The following DLX1 variants were observed in gnomAD, a reference collection of about 807,000 sequenced individuals.
DLX1 encodes distal-less homeobox 1.
DLX1 carries 7 observed loss-of-function variants against 25.0 expected under a neutral mutation model. That is an observed-to-expected ratio of 0.28 (90% confidence interval 0.16 to 0.52). The LOEUF (loss-of-function observed/expected upper bound fraction) is 0.52, where lower values mean the gene tolerates loss of function less well. Ranked by LOEUF, DLX1 falls within the 20% of genes least tolerant of loss-of-function variation. DLX1 has a pLI of 0.96. For missense variants in DLX1, 233 were observed against 334.4 expected, an observed-to-expected ratio of 0.70 and a Z score of 2.37; for synonymous variants, 155 against 140.3, an observed-to-expected ratio of 1.10 and a Z score of -0.74.
At chr2:172,086,274 G>A in intron 1 of DLX1, 1 of 518,352 alleles carries the variant, frequency 1.9e-6, no homozygotes, top group Non-Finnish European at 3.4e-6. Flanking sequence ...TGGGCGGCTC[G>A]GTGTGCAGAG....
At chr2:172,087,235 C>T in intron 2 of DLX1, 1 of 410,484 alleles carries the variant, frequency 2.4e-6, no homozygotes, top group Non-Finnish European at 4.8e-6. Context: ...GGGCCTGGGT[C>T]CGCGCCTCAG....
At position 172,088,374 on chromosome 2, in the gene DLX1, C is replaced by T; in HGVS notation, c.*117C>T. On this transcript the variant is annotated 3_prime_UTR_variant, in exon 3 of 3. Coordinates refer to ENST00000361725, the MANE Select transcript of DLX1 (RefSeq NM_178120.5). ...GGAAGAAGGAACAGTGGAGGCGGGA[C>T]GCCCTCCATCTCCTCGGAGCCCCGC... 1 of 1,290,958 alleles carries T rather than the reference C, an allele frequency of 7.7e-7. No individual in the cohort carries two copies. The highest frequency in any genetic ancestry group is 2.0e-5 in the South Asian group (1 of 49,240). The allele number at this position is 1,290,958 out of a possible 1,614,324, so 80.0% of individuals were successfully genotyped here.
Position 172,086,007 on chromosome 2 carries a change from G to A in DLX1, c.313+17G>A. The stretch of plus-strand genomic sequence containing the variant: ...AGGACCCAGGTACGTGCGCTTGCCA[G>A]GGAGAGGGAGAGGAGGAGGTACAAG... On this transcript the variant is annotated intron_variant, in intron 1 of 2. Transcript: ENST00000361725. 6.2e-7 allele frequency: 1 copy of A among 1,600,446 alleles called. No homozygotes were observed. Among genetic ancestry groups the A allele is most frequent in the Non-Finnish European group, 8.5e-7 (1 of 1,171,814 alleles).
At position 172,088,083 on chromosome 2, in the gene DLX1, G is replaced by A. The variant is rs1690893485; in HGVS notation, c.594G>A (p.Ala198=). 1 of 1,590,632 alleles carries A rather than the reference G, an allele frequency of 6.3e-7. No homozygotes were observed. Among genetic ancestry groups the A allele is most frequent in the East Asian group, 2.3e-5 (1 of 44,078 alleles). ...GTGGGGCGGCTCTGGAGGGTAGTGC[G>A]TTGGCCAACGGTCGGGCCCTGTCTG... ...KQGGAALEGS[A]LANGRALSAG... The change falls in exon 3 of 3, where the codon GCG becomes GCA. Residue 198 remains alanine, a synonymous_variant. Transcript: ENST00000361725.
chr2:172,086,358 G>A (rs1287247609), intron 1 of DLX1: 1 of 478,430 alleles, frequency 2.1e-6, no homozygotes, highest in Non-Finnish European at 3.7e-6. Flanking sequence ...ATTGCGTAGC[G>A]CTATAAACAA....
At chr2:172,087,240 C>A (rs532088330) in intron 2 of DLX1, 12 of 403,638 alleles carry the variant, frequency 3.0e-5, no homozygotes, top group Non-Finnish European at 4.3e-5. Flanking sequence ...TGGGTCCGCG[C>A]CTCAGCCTCC....
In DLX1 at chr2:172,086,610, G is replaced by A. The variant is rs527697669; in HGVS notation, c.314-44G>A. On this transcript the variant is annotated intron_variant, in intron 1 of 2. Transcript: ENST00000361725. ...CTCTCGGCTGTTCGCACTAAAGGCG[G>A]CCCCTCGTATTAACAACGGGCCCTA... 26 of 1,501,390 alleles carry A rather than the reference G, an allele frequency of 1.7e-5. No individual in the cohort carries two copies. In the East Asian group the frequency reaches 4.6e-4, roughly 26 times the overall value. 93.0% of individuals were successfully genotyped at this position (1,501,390 alleles called of 1,614,324 possible).
At position 172,088,269 on chromosome 2, in the gene DLX1, C is replaced by T; in HGVS notation, c.*12C>T. On this transcript the variant is annotated 3_prime_UTR_variant, in exon 3 of 3. Transcript: ENST00000361725. ...CCCAACTTATGTGAGGTTGCCCGCC[C>T]GTCTCCTTCTTGTCTCCCCGGCCCA... is the stretch of plus-strand genomic sequence containing the variant. 6.9e-7 allele frequency: 1 copy of T among 1,449,048 alleles called. No homozygotes were observed. Among genetic ancestry groups the T allele is most frequent in the South Asian group, 1.5e-5 (1 of 67,416 alleles). 89.8% of individuals were successfully genotyped at this position (1,449,048 alleles called of 1,614,324 possible). A position where few individuals can be genotyped will look rare whatever the true frequency, so the allele number is the denominator to read the frequency against.
Position 172,086,752 on chromosome 2 carries a change from T to C in DLX1, c.412T>C (p.Leu138=). 1 of 1,609,230 alleles carries C rather than the reference T, an allele frequency of 6.2e-7. No homozygotes were observed. Among genetic ancestry groups the C allele is most frequent in the South Asian group, 1.1e-5 (1 of 90,588 alleles). The change falls in exon 2 of 3, where the codon TTG becomes CTG. Residue 138 remains leucine, a synonymous_variant. Transcript: ENST00000361725. The part of the protein sequence containing the change: ...IRKPRTIYSS[L]QLQALNRRFQ... Reference sequence around the variant, plus strand: ...TAAACCCAGGACGATTTATTCCAGTTTGCAGTTGCAGGCTTTGAACCGGAG... The same window carrying C: ...TAAACCCAGGACGATTTATTCCAGTCTGCAGTTGCAGGCTTTGAACCGGAG...
At chr2:172,086,560 T>A in intron 1 of DLX1, 94 bp from the exon 2 acceptor site, 2 of 1,260,828 alleles carry the variant, frequency 1.6e-6, no homozygotes, top group Non-Finnish European at 2.2e-6. Context: ...TGGTGCTGCC[T>A]CCGCCACCCT....
intron 2 of DLX1, chr2:172,087,650 T>C (rs1690868995): frequency 3.8e-6 from 2 of 531,822 alleles, no homozygotes; most frequent in Admixed American, 2.2e-5. Context: ...TTGGAATTGC[T>C]GGCTCGGTGT....
In DLX1 at chr2:172,085,820, C is replaced by A. The variant is rs754902794; in HGVS notation, c.143C>A (p.Ala48Glu). The change falls in exon 1 of 3, where the codon GCG (alanine) becomes GAG (glutamate). Residue 48 changes from alanine to glutamate, a missense_variant. Transcript: ENST00000361725. The surrounding 1 kb of genome is among the most constrained non-coding windows in gnomAD (Gnocchi z 4.3). ...TACTCCATGCACTGTTTACACTCGG[C>A]GGGCCATTCGCAGCCCGACGGCGCC... is the stretch of plus-strand genomic sequence containing the variant. ...GHYSMHCLHS[A>E]GHSQPDGAYS... 1.2e-6 allele frequency: 2 copies of A among 1,614,212 alleles called. No homozygotes were observed. The highest frequency in any genetic ancestry group is 1.7e-6 in the Non-Finnish European group (2 of 1,180,048).
rs1011707466 is a variant in DLX1, at chr2:172,089,112, G to C, written c.*855G>C. ...AAAGAACGATAAATGAAGCCAACAT[G>C]ATTTTCTCATTTCGGGAGGAACTCT... On this transcript the variant is annotated 3_prime_UTR_variant, in exon 3 of 3. Transcript: ENST00000361725. 6.6e-6 allele frequency: 1 copy of C among 152,190 alleles called. No homozygotes were observed. 9.4% of individuals were successfully genotyped at this position (152,190 alleles called of 1,614,324 possible). A position where few individuals can be genotyped will look rare whatever the true frequency, so the allele number is the denominator to read the frequency against.
rs1175197154 is a variant in DLX1 at position 172,088,311 on chromosome 2, A to G, written c.*54A>G. 2.8e-6 allele frequency: 4 copies of G among 1,418,082 alleles called. No individual in the cohort carries two copies. Among genetic ancestry groups the G allele is most frequent in the African/African-American group, 1.5e-5 (1 of 67,412 alleles). The allele number at this position is 1,418,082 out of a possible 1,614,324, so 87.8% of individuals were successfully genotyped here. A position where few individuals can be genotyped will look rare whatever the true frequency, so the allele number is the denominator to read the frequency against. On this transcript the variant is annotated 3_prime_UTR_variant, in exon 3 of 3. Coordinates refer to ENST00000361725, the MANE Select transcript of DLX1 (RefSeq NM_178120.5). ...CCCGGCCCAGGTCCCTCCCGCCTCC[A>G]GGTCCATCCATCCCGTCCGGAAAAG...
At position 172,085,841 on chromosome 2, in the gene DLX1, G is replaced by A; in HGVS notation, c.164G>A (p.Gly55Asp). The change falls in exon 1 of 3, where the codon GGC becomes GAC. Residue 55 changes from glycine to aspartate, a missense_variant. This residue lies in a region of DLX1 where 126 missense variants were observed against 170.4 expected (regional missense o/e 0.74). Transcript: ENST00000361725. The surrounding 1 kb of genome is among the most constrained non-coding windows in gnomAD (Gnocchi z 4.3). ...TCGGCGGGCCATTCGCAGCCCGACG[G>A]CGCCTACAGCTCAGCCTCGTCCTTC... The part of the protein sequence containing the change: ...LHSAGHSQPD[G>D]AYSSASSFSR... 2 of 1,614,180 alleles carry A rather than the reference G, an allele frequency of 1.2e-6. No homozygotes were observed. The highest frequency in any genetic ancestry group is 1.7e-6 in the Non-Finnish European group (2 of 1,180,050).
Position 172,086,004 on chromosome 2 carries a change from C to A in DLX1, c.313+14C>A. ...TGGAGGACCCAGGTACGTGCGCTTG[C>A]CAGGGAGAGGGAGAGGAGGAGGTAC... is the stretch of plus-strand genomic sequence containing the variant. On this transcript the variant is annotated intron_variant, in intron 1 of 2. Coordinates refer to ENST00000361725, the MANE Select transcript of DLX1 (RefSeq NM_178120.5). 6.2e-7 allele frequency: 1 copy of A among 1,601,978 alleles called. No homozygotes were observed. Among genetic ancestry groups the A allele is most frequent in the East Asian group, 2.2e-5 (1 of 44,638 alleles).
chr2:172,087,919 G>C (rs1439158210), intron 2 of DLX1, 84 bp from the exon 3 acceptor site: 2 of 1,501,256 alleles, frequency 1.3e-6, no homozygotes, highest in Middle Eastern at 1.9e-4. Flanking sequence ...TATCTCTGCT[G>C]TTCTGCGGTC....
rs1375961383 is a variant in DLX1 at position 172,089,154 on chromosome 2, A to G, written c.*897A>G. On this transcript the variant is annotated 3_prime_UTR_variant, in exon 3 of 3. Coordinates refer to ENST00000361725, the MANE Select transcript of DLX1 (RefSeq NM_178120.5). ...AGGAACTCTGTTGCTTCGCCTGGAC[A>G]AGAAGGAAAATGCTGATTTCCTCCT... 1 of 152,238 alleles carries G rather than the reference A, an allele frequency of 6.6e-6. No homozygotes were observed. The highest frequency in any genetic ancestry group is 1.5e-5 in the Non-Finnish European group (1 of 68,042). The allele number at this position is 152,238 out of a possible 1,614,324, so 9.4% of individuals were successfully genotyped here.
chr2:172,087,538 C>T (rs551784335), intron 2 of DLX1: 6 of 460,804 alleles, frequency 1.3e-5, no homozygotes, highest in South Asian at 6.2e-5. Flanking sequence ...TCCGTCCCAA[C>T]TCAAGGGCAG....
Sources: gnomAD v4.1 joint callset for allele counts on GRCh38, gnomAD v4.1.1 for gene constraint, gnomAD v4.1.1 regional missense constraint, Gnocchi (gnomAD v3.1) non-coding constraint, MANE v1.5 for transcripts, NCBI Gene and HGNC (gene_info 2026-07-23, HGNC 2026-07-21) for gene names.